TBCE: variants seen among roughly 807,000 people sequenced by gnomAD.
TBCE encodes tubulin-specific chaperone E.
In TBCE, 53 loss-of-function variants were observed where a neutral mutation model predicts 77.0. That is an observed-to-expected ratio of 0.69 (90% CI 0.55 to 0.87). The LOEUF (loss-of-function observed/expected upper bound fraction) is 0.87, where lower values mean the gene tolerates loss of function less well. Ranked by LOEUF, TBCE falls within the 40% of genes least tolerant of loss-of-function variation. TBCE has a pLI of 0.00. For synonymous variants in TBCE, 235 were observed against 241.3 expected, an observed-to-expected ratio of 0.97 and a Z score of 0.24; for missense variants, 624 against 622.4, an observed-to-expected ratio of 1.00 and a Z score of -0.03.
chr1:235,375,665 C>G (rs943648776), intron 1 of TBCE, among the ~76,000 whole-genome samples: 1 of 152,096 alleles, frequency 6.6e-6, no homozygotes, highest in Admixed American at 6.6e-5. Flanking sequence ...AGACATGGAT[C>G]CAGTTTCTAG....
intron 3 of TBCE, among the ~76,000 whole-genome samples, chr1:235,404,241 C>A (rs572088657): frequency 6.6e-6 from 1 of 151,744 alleles, no homozygotes; most frequent in East Asian, 1.9e-4. Context: ...CGTGCCACTG[C>A]ACTCCAGCCT....
rs369291502 is a variant in TBCE, at chr1:235,407,994, G to A, written c.185+6407G>A. On this transcript the variant is annotated intron_variant, in intron 3 of 16. Coordinates refer to ENST00000642610, the MANE Select transcript of TBCE (RefSeq NM_003193.5). ...CTTCTGTTTCCAAGCAATGGTAGAA[G>A]TTCTCTTTTCTGGTGAGAAATAAAT... Among the ~76,000 whole-genome samples, 5 of 152,222 alleles carry A rather than the reference G, an allele frequency of 3.3e-5. No individual in the cohort carries two copies. The East Asian group carries it at 9.6e-4, about 29-fold the overall frequency.
chr1:235,413,575 A>T (rs1679933778), intron 3 of TBCE, among the ~76,000 whole-genome samples: 1 of 151,774 alleles, frequency 6.6e-6, no homozygotes, highest in African/African-American at 2.4e-5. Flanking sequence ...AGGCAGGAGA[A>T]CTGCTTGAAC....
At chr1:235,433,198 T>C in intron 7 of TBCE, 2 of 1,304,126 alleles carry the variant, frequency 1.5e-6, no homozygotes, top group South Asian at 2.2e-5. Context: ...CATTCTCTAA[T>C]TGGCCATGGC....
At chr1:235,385,173 T>G (rs993214136) in intron 2 of TBCE, among the ~76,000 whole-genome samples, 2 of 152,190 alleles carry the variant, frequency 1.3e-5, no homozygotes, top group Non-Finnish European at 2.9e-5. Flanking sequence ...TGCACTGTGG[T>G]CTGAGAGACA....
At chr1:235,447,312 CTG>C (rs1415619871) in intron 15 of TBCE, among the ~76,000 whole-genome samples, 2 of 152,168 alleles carry the variant, frequency 1.3e-5, no homozygotes, top group African/African-American at 4.8e-5. Flanking sequence ...TTTGAATACA[CTG>C]TGATATTTGT....
At chr1:235,397,430 C>T (rs761538140) in intron 2 of TBCE, among the ~76,000 whole-genome samples, 2 of 152,186 alleles carry the variant, frequency 1.3e-5, no homozygotes, top group Non-Finnish European at 2.9e-5. Flanking sequence ...TGGTCTCGAT[C>T]TCCTGACCTC....
chr1:235,423,147 G>A (rs1680495703), intron 5 of TBCE, among the ~76,000 whole-genome samples: 1 of 152,112 alleles, frequency 6.6e-6, no homozygotes, highest in South Asian at 2.1e-4. Flanking sequence ...TACTCTACCA[G>A]AACTCGAGGC....
chr1:235,421,633 C>T (rs1223314233), intron 5 of TBCE, among the ~76,000 whole-genome samples: 5 of 151,934 alleles, frequency 3.3e-5, no homozygotes, highest in African/African-American at 1.2e-4. Flanking sequence ...TGCTTGAACC[C>T]GGGAGGCGGA....
At chr1:235,393,338 A>C (rs1678510881) in intron 2 of TBCE, among the ~76,000 whole-genome samples, 1 of 152,198 alleles carries the variant, frequency 6.6e-6, no homozygotes, top group Non-Finnish European at 1.5e-5. Flanking sequence ...GGAGATCGAG[A>C]CCTTCCTGGC....
At chr1:235,381,980 A>G (rs1208861202) in intron 2 of TBCE, among the ~76,000 whole-genome samples, 1 of 98,394 alleles carries the variant, frequency 1.0e-5, no homozygotes, top group Non-Finnish European at 1.9e-5. Flanking sequence ...CCACCCCACA[A>G]CAGTCCTCAG....
rs559232276 is a variant in TBCE, at chr1:235,406,556, G to A, written c.185+4969G>A. On this transcript the variant is annotated intron_variant, in intron 3 of 16. Transcript: ENST00000642610. ...ATTTTTTCTTTTAGTTTTTGAGACG[G>A]AGTCTCACTCAGTCGCCCAGGCTGG... Among the ~76,000 whole-genome samples, 603 of 152,292 alleles carry A rather than the reference G, an allele frequency of 4.0e-3. 4 individuals carry two copies. Among genetic ancestry groups the A allele is most frequent in the African/African-American group, 0.014 (574 of 41,576 alleles).
At chr1:235,386,145 C>T (rs1054696284) in intron 2 of TBCE, among the ~76,000 whole-genome samples, 2 of 152,166 alleles carry the variant, frequency 1.3e-5, no homozygotes, top group African/African-American at 2.4e-5. Context: ...AATATTGGCT[C>T]CCACTCTCTT....
intron 2 of TBCE, among the ~76,000 whole-genome samples, chr1:235,395,585 C>T (rs183602874): frequency 6.7e-6 from 1 of 150,050 alleles, no homozygotes; most frequent in Admixed American, 6.7e-5. Flanking sequence ...CGCTCTGTCG[C>T]CCAGGCTGGA....
intron 9 of TBCE, chr1:235,436,177 C>G (rs529128661): frequency 3.9e-5 from 24 of 615,218 alleles, no homozygotes; most frequent in Middle Eastern, 4.4e-4. Flanking sequence ...AGTAGGTACT[C>G]AAGAACCATT....
At chr1:235,428,368 T>G (rs543838808) in intron 6 of TBCE, among the ~76,000 whole-genome samples, 1 of 152,034 alleles carries the variant, frequency 6.6e-6, no homozygotes, top group Non-Finnish European at 1.5e-5. Flanking sequence ...GCTGCCAGCT[T>G]GCCTTTTTCT....
rs769076606 is a variant in TBCE, at chr1:235,434,246, T to C, written c.703T>C (p.Tyr235His). 1 of 1,614,174 alleles carries C rather than the reference T, an allele frequency of 6.2e-7. No homozygotes were observed. The highest frequency in any genetic ancestry group is 1.1e-5 in the South Asian group (1 of 91,082). Residue 235 changes from tyrosine (Y) to histidine (H), a missense_variant, in exon 8 of 17, where the codon TAC becomes CAC. Transcript: ENST00000642610. Reference sequence around the variant, plus strand: ...GGGGTGCCCAGGCCTGGAGGAACTCTACCTTGAGTCTAACAACATTTTCAT... The same window carrying C: ...GGGGTGCCCAGGCCTGGAGGAACTCCACCTTGAGTCTAACAACATTTTCAT... ...VAGCPGLEEL[Y>H]LESNNIFISE...
chr1:235,401,357 G>A (rs1679089511), intron 2 of TBCE, 146 bp from the exon 3 acceptor site: 1 of 703,252 alleles, frequency 1.4e-6, no homozygotes, highest in Non-Finnish European at 2.6e-6. Context: ...GAAGTCCTGA[G>A]TATAAGGCTA....
At chr1:235,436,310 A>AT in intron 9 of TBCE, 76 bp from the exon 10 acceptor site, 1 of 1,449,448 alleles carries the variant, frequency 6.9e-7, no homozygotes, top group Non-Finnish European at 9.6e-7. Context: ...AAAAAAATTT[A>AT]CAAACCGAGT....
Sources: gnomAD v4.1 joint callset for allele counts (sites outside exome capture counted in the v4.1 genomes callset) on GRCh38, gnomAD v4.1.1 for gene constraint, MANE v1.5 for transcripts, NCBI Gene and HGNC (gene_info 2026-07-23, HGNC 2026-07-21) for gene names.